The following ASIC2 variants were observed in gnomAD, a reference collection of about 807,000 sequenced individuals.
ASIC2 encodes the protein acid sensing ion channel subunit 2.
ASIC2 carries 25 observed loss-of-function variants against 57.3 expected under a neutral mutation model. That is an observed-to-expected ratio of 0.44 (90% CI 0.32 to 0.61). The LOEUF is 0.61. ASIC2 is among the 20% of genes least tolerant of loss of function. The pLI is 0.06. For synonymous variants in ASIC2, 319 were observed against 307.5 expected, an observed-to-expected ratio of 1.04 and a Z score of -0.39; for missense variants, 641 against 738.1, an observed-to-expected ratio of 0.87 and a Z score of 1.52.
At chr17:33,460,198 A>G (rs1912588890) in intron 1 of ASIC2, among the ~76,000 whole-genome samples, 1 of 152,036 alleles carries the variant, frequency 6.6e-6, no homozygotes, top group Non-Finnish European at 1.5e-5. Flanking sequence ...TATTGACCCC[A>G]CTCTTAATTC....
chr17:33,378,882 T>A (rs1326488882), intron 1 of ASIC2, among the ~76,000 whole-genome samples: 1 of 152,150 alleles, frequency 6.6e-6, no homozygotes, highest in African/African-American at 2.4e-5. Flanking sequence ...CACAGCAGAA[T>A]GAACTTGAGA....
intron 1 of ASIC2, among the ~76,000 whole-genome samples, chr17:33,629,614 C>T (rs1295672952): frequency 6.6e-6 from 1 of 152,092 alleles, no homozygotes; most frequent in Non-Finnish European, 1.5e-5. Flanking sequence ...GACAATATTT[C>T]CCTGGGAGAG....
At chr17:33,308,697 A>G (rs540360293) in intron 1 of ASIC2, among the ~76,000 whole-genome samples, 1 of 152,376 alleles carries the variant, frequency 6.6e-6, no homozygotes, top group African/African-American at 2.4e-5. Context: ...TATTCTTCTG[A>G]TAGATTTAAC....
intron 1 of ASIC2, among the ~76,000 whole-genome samples, chr17:33,978,584 G>T (rs1031195481): frequency 6.6e-5 from 10 of 152,204 alleles, no homozygotes; most frequent in African/African-American, 1.2e-4. Flanking sequence ...GTGTGCCTGG[G>T]GTGGGTCTGC....
chr17:33,330,977 A>T (rs1414186462), intron 1 of ASIC2, among the ~76,000 whole-genome samples: 1 of 152,018 alleles, frequency 6.6e-6, no homozygotes, highest in Admixed American at 6.6e-5. Context: ...GGGGTCCCCA[A>T]CCCCTGGGCT....
At chr17:33,890,247 A>G (rs1203973690) in intron 1 of ASIC2, among the ~76,000 whole-genome samples, 1 of 152,038 alleles carries the variant, frequency 6.6e-6, no homozygotes, top group Non-Finnish European at 1.5e-5. Context: ...ACAGCTCTCT[A>G]TTTGCTGACC....
chr17:33,350,498 G>A lies in ASIC2; in HGVS notation c.556-238431C>T, dbSNP rs981739176. 4.6e-5 allele frequency among the ~76,000 whole-genome samples: 7 copies of A among 152,116 alleles called. No homozygotes were observed. The South Asian group carries it at 1.2e-3, about 27-fold the overall frequency. The stretch of plus-strand genomic sequence containing the variant: ...AGTTTGAGACCAGCCTGGCCAACAG[G>A]ACGAAACCCCGTCTCTACTAAAAAT... On this transcript the variant is annotated intron_variant, in intron 1 of 9. Transcript: ENST00000359872.
At chr17:33,392,287 G>GTC (rs1909929912) in intron 1 of ASIC2, among the ~76,000 whole-genome samples, 1 of 138,386 alleles carries the variant, frequency 7.2e-6, no homozygotes, top group Non-Finnish European at 1.5e-5. Context: ...TTTTGACAGA[G>GTC]TCTTGCTCTG....
intron 3 of ASIC2, among the ~76,000 whole-genome samples, chr17:33,068,789 A>G (rs576924230): frequency 6.6e-6 from 1 of 152,278 alleles, no homozygotes; most frequent in Non-Finnish European, 1.5e-5. Context: ...ATCAAAAAAA[A>G]TCTTTTGGCC....
At chr17:33,660,339 T>A (rs1392211801) in intron 1 of ASIC2, among the ~76,000 whole-genome samples, 2 of 151,512 alleles carry the variant, frequency 1.3e-5, no homozygotes, top group Non-Finnish European at 1.5e-5. Context: ...CTTTCTAAAC[T>A]TTTTAATTAA....
intron 1 of ASIC2, among the ~76,000 whole-genome samples, chr17:34,019,382 T>C (rs539878507): frequency 6.6e-6 from 1 of 152,330 alleles, no homozygotes; most frequent in South Asian, 2.1e-4. Context: ...CAGCATCGCA[T>C]GCCACAAATA....
chr17:33,943,829 T>G (rs985573568), intron 1 of ASIC2, among the ~76,000 whole-genome samples: 1 of 152,104 alleles, frequency 6.6e-6, no homozygotes, highest in African/African-American at 2.4e-5. Context: ...CTTGGTAGGG[T>G]GAGTATTGTT....
At chr17:33,339,852 T>A (rs568735027) in intron 1 of ASIC2, among the ~76,000 whole-genome samples, 7 of 152,306 alleles carry the variant, frequency 4.6e-5, no homozygotes, top group African/African-American at 1.2e-4. Context: ...TGACACTTGG[T>A]TGGGTATCTG....
At chr17:33,725,871 C>A (rs949999559) in intron 1 of ASIC2, among the ~76,000 whole-genome samples, 2 of 152,174 alleles carry the variant, frequency 1.3e-5, no homozygotes, top group African/African-American at 4.8e-5. Context: ...ACTGACCCCA[C>A]AGAGCCACAC....
intron 1 of ASIC2, among the ~76,000 whole-genome samples, chr17:33,183,150 C>G (rs1259074098): frequency 6.6e-6 from 1 of 152,232 alleles, no homozygotes; most frequent in Non-Finnish European, 1.5e-5. Context: ...TGCCCCACTC[C>G]TAAGTGTAAT....
intron 1 of ASIC2, among the ~76,000 whole-genome samples, chr17:33,852,989 C>T (rs892771491): frequency 3.3e-5 from 5 of 152,038 alleles, no homozygotes; most frequent in African/African-American, 1.2e-4. Context: ...AAAGCCTTTC[C>T]CCCCCGTCAT....
At chr17:33,573,751 A>G (rs1234217109) in intron 1 of ASIC2, among the ~76,000 whole-genome samples, 4 of 152,150 alleles carry the variant, frequency 2.6e-5, no homozygotes, top group Admixed American at 2.6e-4. Context: ...TTTTTAACAG[A>G]GACAGGGTTT....
intron 3 of ASIC2, among the ~76,000 whole-genome samples, chr17:33,040,230 C>G (rs1331944684): frequency 6.6e-6 from 1 of 152,214 alleles, no homozygotes. Context: ...CTGGCCATGC[C>G]TTTGCATCAG....
intron 3 of ASIC2, among the ~76,000 whole-genome samples, chr17:33,037,939 C>G (rs1366418255): frequency 6.6e-6 from 1 of 152,212 alleles, no homozygotes; most frequent in Non-Finnish European, 1.5e-5. Flanking sequence ...GAGAGAGATT[C>G]AAGCATTGGG....
Sources: allele counts gnomAD v4.1 joint callset (sites outside exome capture counted in the v4.1 genomes callset), GRCh38; gene constraint gnomAD v4.1.1; transcripts MANE v1.5; gene names NCBI Gene and HGNC (gene_info 2026-07-23, HGNC 2026-07-21).